CAMK1D: variants seen among roughly 807,000 people sequenced by gnomAD.
CAMK1D encodes the protein calcium/calmodulin dependent protein kinase ID.
CAMK1D carries 9 observed loss-of-function variants against 47.7 expected under a neutral mutation model. The observed-to-expected ratio is 0.19, with a 90% CI of 0.11 to 0.33. The LOEUF (loss-of-function observed/expected upper bound fraction) is 0.33, where lower values mean the gene tolerates loss of function less well. CAMK1D is among the 10% of genes least tolerant of loss of function. The pLI, the probability that CAMK1D is intolerant of heterozygous loss-of-function variation, is 1.00. For missense variants in CAMK1D, 291 were observed against 488.7 expected (o/e 0.60, Z 3.81); for synonymous variants, 184 against 184.9 (o/e 0.99, Z 0.04).
intron 2 of CAMK1D, among the ~76,000 whole-genome samples, chr10:12,582,902 G>C (rs12570522): frequency 0.054 from 8,161 of 152,270 alleles, 288 homozygotes; most frequent in East Asian, 0.15. Context: ...GCACATGGTA[G>C]TCCAGGACGC....
chr10:12,469,160 T>C (rs1341512812), intron 1 of CAMK1D, among the ~76,000 whole-genome samples: 1 of 152,084 alleles, frequency 6.6e-6, no homozygotes, highest in Admixed American at 6.6e-5. Flanking sequence ...TGTTGTATTC[T>C]GGGACCCTTG....
chr10:12,729,074 A>G (rs1269295944), intron 3 of CAMK1D, among the ~76,000 whole-genome samples: 3 of 152,232 alleles, frequency 2.0e-5, no homozygotes, highest in Non-Finnish European at 4.4e-5. Context: ...ATTTGGCGTC[A>G]TGCTGTCCTT....
chr10:12,812,682 A>G (rs1007260416), intron 6 of CAMK1D, among the ~76,000 whole-genome samples: 3 of 152,136 alleles, frequency 2.0e-5, no homozygotes, highest in African/African-American at 7.2e-5. Context: ...CAGCCCGAGA[A>G]GCAAGTTCTG....
intron 1 of CAMK1D, among the ~76,000 whole-genome samples, chr10:12,515,110 C>A (rs945001186): frequency 3.3e-5 from 5 of 152,074 alleles, no homozygotes; most frequent in South Asian, 2.1e-4. Context: ...TGATCCACCC[C>A]CCTTGGCCTC....
At chr10:12,668,652 C>T (rs1039800535) in intron 3 of CAMK1D, among the ~76,000 whole-genome samples, 8 of 152,192 alleles carry the variant, frequency 5.3e-5, no homozygotes, top group African/African-American at 1.9e-4. Flanking sequence ...ATATCTGTAT[C>T]ATTTCATCAC....
chr10:12,681,201 C>T, intron 3 of CAMK1D, among the ~76,000 whole-genome samples: 1 of 152,272 alleles, frequency 6.6e-6, no homozygotes, highest in East Asian at 1.9e-4. Context: ...TGCTACGGCT[C>T]TATCATCCTG....
At chr10:12,612,384 C>A (rs1838657069) in intron 2 of CAMK1D, among the ~76,000 whole-genome samples, 1 of 148,374 alleles carries the variant, frequency 6.7e-6, no homozygotes, top group South Asian at 2.1e-4. Context: ...ATCTCTTGCC[C>A]AGGCTGGAGT....
intron 1 of CAMK1D, among the ~76,000 whole-genome samples, chr10:12,468,858 TG>T (rs1037757687): frequency 6.6e-6 from 1 of 152,282 alleles, no homozygotes; most frequent in African/African-American, 2.4e-5. Flanking sequence ...TTTCCTTTCA[TG>T]GGGTTGTTTT....
intron 2 of CAMK1D, among the ~76,000 whole-genome samples, chr10:12,598,915 C>A (rs879555620): frequency 6.6e-6 from 1 of 152,106 alleles, no homozygotes; most frequent in African/African-American, 2.4e-5. Context: ...GTGATGTAAT[C>A]TCTGCATTTG....
rs34038018 is a variant in CAMK1D at position 12,573,831 on chromosome 10, C to CTTTTTTTTTTTTTTT, written c.224+20486_224+20500dup. ...CACCATGCCTGGCTTATTAAAAAAA[C>CTTTTTTTTTTTTTTT]TTTTTTTTTTTTTTTTTTTTTTTTT... On this transcript the variant is annotated intron_variant, in intron 2 of 10. Transcript: ENST00000619168. 7.5e-4 allele frequency among the ~76,000 whole-genome samples: 48 copies of CTTTTTTTTTTTTTTT among 64,094 alleles called. 8 individuals carry two copies. The highest frequency in any genetic ancestry group is 1.9e-3 in the African/African-American group (35 of 18,456). The allele number at this position is 64,094 out of a possible 152,430, so 42.0% of individuals were successfully genotyped here.
chr10:12,541,652 G>A (rs552594449), intron 1 of CAMK1D, among the ~76,000 whole-genome samples: 33 of 151,712 alleles, frequency 2.2e-4, no homozygotes, highest in East Asian at 3.9e-4. Flanking sequence ...GAGCCACTGC[G>A]CCCAGCTGAC....
intron 1 of CAMK1D, among the ~76,000 whole-genome samples, chr10:12,495,266 T>C (rs1006988953): frequency 6.6e-6 from 1 of 152,100 alleles, no homozygotes; most frequent in South Asian, 2.1e-4. Context: ...ACTTACTTTT[T>C]AAAAAAAACT....
intron 6 of CAMK1D, among the ~76,000 whole-genome samples, chr10:12,792,975 C>G (rs1381082126): frequency 6.6e-6 from 1 of 151,716 alleles, no homozygotes; most frequent in Non-Finnish European, 1.5e-5. Context: ...CACACACACA[C>G]ACACACACGC....
At chr10:12,742,334 C>T (rs1274132191) in intron 3 of CAMK1D, among the ~76,000 whole-genome samples, 3 of 151,938 alleles carry the variant, frequency 2.0e-5, no homozygotes, top group South Asian at 2.1e-4. Context: ...GGGGTCTCAC[C>T]GTGTTGTCCA....
chr10:12,402,379 G>A (rs1016671203), intron 1 of CAMK1D, among the ~76,000 whole-genome samples: 5 of 151,728 alleles, frequency 3.3e-5, no homozygotes, highest in East Asian at 1.9e-4. Flanking sequence ...GACCACAGGC[G>A]GGCACCACCA....
At chr10:12,574,674 C>T (rs968659230) in intron 2 of CAMK1D, among the ~76,000 whole-genome samples, 2 of 151,812 alleles carry the variant, frequency 1.3e-5, no homozygotes, top group African/African-American at 4.8e-5. Context: ...AGTCTGTTCT[C>T]ACACTGCTAT....
At chr10:12,809,197 T>A (rs945489608) in intron 6 of CAMK1D, among the ~76,000 whole-genome samples, 1 of 152,182 alleles carries the variant, frequency 6.6e-6, no homozygotes, top group Admixed American at 6.5e-5. Flanking sequence ...GGAAGTGGCA[T>A]CTCCTTGTGG....
At chr10:12,670,750 T>C (rs1351876896) in intron 3 of CAMK1D, among the ~76,000 whole-genome samples, 1 of 152,148 alleles carries the variant, frequency 6.6e-6, no homozygotes, top group Non-Finnish European at 1.5e-5. Context: ...GGTTTCACCT[T>C]GTTGGTCAGG....
intron 2 of CAMK1D, among the ~76,000 whole-genome samples, chr10:12,626,907 C>T (rs1417210967): frequency 6.6e-6 from 1 of 152,084 alleles, no homozygotes; most frequent in Non-Finnish European, 1.5e-5. Flanking sequence ...CACGCAAATA[C>T]GTGTTGGTTA....
Sources: allele counts gnomAD v4.1 joint callset (sites outside exome capture counted in the v4.1 genomes callset), GRCh38; gene constraint gnomAD v4.1.1; transcripts MANE v1.5; gene names NCBI Gene and HGNC (gene_info 2026-07-23, HGNC 2026-07-21).